URGCP: variants seen among roughly 807,000 people sequenced by gnomAD.
URGCP encodes upregulator of cell proliferation.
Under a neutral mutation model 24.6 loss-of-function variants are expected in URGCP, and 13 were observed. The observed-to-expected ratio is 0.53, with a 90% CI of 0.34 to 0.84. The LOEUF (loss-of-function observed/expected upper bound fraction) is 0.84, where lower values mean the gene tolerates loss of function less well. Ranked by LOEUF, URGCP falls within the 40% of genes least tolerant of loss-of-function variation. The pLI is 0.01. For missense variants in URGCP, 899 were observed against 1,194.3 expected, an observed-to-expected ratio of 0.75 and a Z score of 3.64; for synonymous variants, 444 against 487.2, an observed-to-expected ratio of 0.91 and a Z score of 1.17.
intron 1 of URGCP, among the ~76,000 whole-genome samples, chr7:43,903,002 G>T (rs934677603): frequency 6.6e-6 from 1 of 152,046 alleles, no homozygotes; most frequent in Non-Finnish European, 1.5e-5. Context: ...AATGTAGGTA[G>T]ACTGGGCACT....
At chr7:43,889,790 G>C (rs2095867622) in intron 1 of URGCP, among the ~76,000 whole-genome samples, 2 of 152,100 alleles carry the variant, frequency 1.3e-5, no homozygotes, top group African/African-American at 4.8e-5. Flanking sequence ...GCCCACCCTG[G>C]CCCTTAATTA....
chr7:43,913,497 C>T lies in URGCP; in HGVS notation c.-116+12635G>A, dbSNP rs182372629. Among the ~76,000 whole-genome samples the T allele has an allele frequency of 3.3e-3, 502 of 152,134 alleles. 4 individuals carry two copies. The highest frequency in any genetic ancestry group is 0.01 in the Admixed American group (156 of 15,254). On this transcript the variant is annotated intron_variant, in intron 1 of 5. Coordinates refer to the URGCP transcript ENST00000426198. The stretch of plus-strand genomic sequence containing the variant: ...CCTCCCAAAGTGCTGGGATTATAGG[C>T]GTGAACCACCGCACCTGGCCCTGAC...
intron 3 of URGCP, among the ~76,000 whole-genome samples, chr7:43,886,660 G>A (rs897151012): frequency 2.0e-5 from 3 of 151,836 alleles, no homozygotes; most frequent in Non-Finnish European, 4.4e-5. Flanking sequence ...GGCTGAGGCA[G>A]CAGAATCACT....
At chr7:43,900,469 C>CAAAAAAAAAAAAAAAAAA (rs759728715) in intron 1 of URGCP, among the ~76,000 whole-genome samples, 3 of 114,488 alleles carry the variant, frequency 2.6e-5, no homozygotes, top group Non-Finnish European at 5.4e-5. Flanking sequence ...AAAACCAAAA[C>CAAAAAAAAAAAAAAAAAA]AAAAAAAAAA....
intron 1 of URGCP, chr7:43,926,013 T>G (rs919151568): frequency 2.0e-5 from 3 of 152,168 alleles, no homozygotes; most frequent in Non-Finnish European, 4.4e-5. Context: ...GAGGTACGAC[T>G]GAACACGGAG....
At chr7:43,887,533 C>T in intron 2 of URGCP, 48 bp from the exon 3 acceptor site, 3 of 1,600,022 alleles carry the variant, frequency 1.9e-6, no homozygotes, top group Non-Finnish European at 2.6e-6. Context: ...TGGAATACCA[C>T]TTTCACCTAT....
intron 1 of URGCP, among the ~76,000 whole-genome samples, chr7:43,897,800 T>C (rs1205824154): frequency 6.6e-6 from 1 of 152,052 alleles, no homozygotes; most frequent in African/African-American, 2.4e-5. Context: ...TGGGCAATAG[T>C]ACCAGCAGCA....
chr7:43,922,472 C>A (rs1585843256), intron 1 of URGCP, among the ~76,000 whole-genome samples: 1 of 152,348 alleles, frequency 6.6e-6, no homozygotes, highest in South Asian at 2.1e-4. Context: ...TTTGTCAACA[C>A]TTGTTGTCTG....
chr7:43,892,219 A>ATT (rs34553486), intron 1 of URGCP, among the ~76,000 whole-genome samples: 1,376 of 125,300 alleles, frequency 0.011, 40 homozygotes, highest in African/African-American at 0.033. Context: ...CGCCCAGCCA[A>ATT]TTTTTTTTTT....
intron 5 of URGCP, 94 bp downstream of exon 5, chr7:43,881,565 C>T: frequency 6.4e-7 from 1 of 1,566,432 alleles, no homozygotes; most frequent in Non-Finnish European, 8.7e-7. Flanking sequence ...CTCTGCCTCC[C>T]CAGGTGATTT....
chr7:43,925,288 A>G (rs2095927841), intron 1 of URGCP, among the ~76,000 whole-genome samples: 1 of 152,194 alleles, frequency 6.6e-6, no homozygotes, highest in Non-Finnish European at 1.5e-5. Context: ...ACTGAGTACA[A>G]ACATAGAGGT....
In URGCP at chr7:43,877,550, G is replaced by C. The variant is rs1333179757; in HGVS notation, c.1913C>G (p.Ala638Gly). The C allele has an allele frequency of 1.2e-6, 2 of 1,613,844 alleles. No individual in the cohort carries two copies. Among genetic ancestry groups the C allele is most frequent in the South Asian group, 2.2e-5 (2 of 91,082 alleles). Residue 638 changes from alanine (A) to glycine (G), a missense_variant, in exon 6 of 6, where the codon GCA (alanine) becomes GGA (glycine). Ala to Gly is a moderately conservative substitution (Grantham distance 60). Transcript: ENST00000453200. ...GAAGTGGGCAAAACGCCTCTGGCCT[G>C]CCGGCAGCCTCCCTGCCTCCACAAG... is the stretch of plus-strand genomic sequence containing the variant. ...SCLVEAGRLP[A>G]GQRRFAHFPG... is the part of the protein sequence containing the mutation.
Position 43,879,030 on chromosome 7 carries a change from C to T in URGCP, c.433G>A (p.Val145Met). The T allele has an allele frequency of 6.2e-7, 1 of 1,614,238 alleles. No homozygotes were observed. The highest frequency in any genetic ancestry group is 8.5e-7 in the Non-Finnish European group (1 of 1,180,042). Residue 145 changes from valine to methionine, a missense_variant, in exon 6 of 6, where the codon GTG becomes ATG. Physicochemically the swap from Val to Met is conservative, Grantham distance 21 (BLOSUM62 1). Coordinates refer to ENST00000453200, the MANE Select transcript of URGCP (RefSeq NM_001077663.3). Reference protein sequence around the residue: ...VLDVLPDARPVEKESQMEEEI... With the variant: ...VLDVLPDARPMEKESQMEEEI... ...TCTTCCATCTGGCTCTCCTTCTCCA[C>T]AGGCCTGGCGTCTGGGAGCACGTCC...
In URGCP at chr7:43,926,326, G is replaced by T. The variant is rs368930304; in HGVS notation, c.-310C>A. The T allele has an allele frequency of 3.0e-4, 72 of 238,376 alleles. 1 individual carries two copies. The East Asian group carries it at 4.3e-3, about 14-fold the overall frequency. The allele number at this position is 238,376 out of a possible 1,614,324, so 14.8% of individuals were successfully genotyped here. On this transcript the variant is annotated 5_prime_UTR_variant, in exon 1 of 6. Coordinates refer to the URGCP transcript ENST00000426198. ...TGGTCGAAGCCACAGGACCAGGTGC[G>T]GGTGGCCAGCGTAACCCGGGCAGCC...
At chr7:43,885,203 C>T (rs1024367440) in intron 3 of URGCP, among the ~76,000 whole-genome samples, 6 of 151,906 alleles carry the variant, frequency 3.9e-5, no homozygotes, top group South Asian at 2.1e-4. Flanking sequence ...CAGGTTCGAG[C>T]GATTCTCCTG....
intron 1 of URGCP, chr7:43,920,013 TG>T: frequency 7.6e-7 from 1 of 1,321,812 alleles, no homozygotes; most frequent in Non-Finnish European, 1.1e-6. Flanking sequence ...GAGTACCACA[TG>T]GCCACATGGC....
At chr7:43,890,775 G>C (rs1468404) in intron 1 of URGCP, among the ~76,000 whole-genome samples, 2,571 of 152,288 alleles carry the variant, frequency 0.017, 72 homozygotes, top group African/African-American at 0.058. Flanking sequence ...TGGACGGGCT[G>C]GTTTGTTGTC....
At chr7:43,926,361 C>A (rs1309063790) in exon 1 of URGCP, 2 of 350,266 alleles carry the variant, frequency 5.7e-6, no homozygotes, top group Non-Finnish European at 9.1e-6. Flanking sequence ...CCCGCTGCTT[C>A]CCCTCGGCCG....
chr7:43,910,382 ATTTTTTTTTTTTTTT>A (rs1158648185), upstream of URGCP, among the ~76,000 whole-genome samples: 1 of 90,088 alleles, frequency 1.1e-5, no homozygotes, highest in Admixed American at 1.5e-4. Flanking sequence ...TGTCTGGCTA[ATTTTTTTTTTTTTTT>A]TTTTTTTTTT....
Sources: allele counts gnomAD v4.1 joint callset (sites outside exome capture counted in the v4.1 genomes callset), GRCh38; gene constraint gnomAD v4.1.1; transcripts MANE v1.5; gene names NCBI Gene and HGNC (gene_info 2026-07-23, HGNC 2026-07-21).